KIN: variants seen among roughly 807,000 people sequenced by gnomAD.
The protein encoded by KIN is DNA/RNA-binding protein KIN17.
A neutral mutation model predicts 63.0 loss-of-function variants in KIN; 47 were observed. That is an observed-to-expected ratio of 0.75 (90% CI 0.59 to 0.95). KIN has a LOEUF of 0.95. KIN is among the 40% of genes least tolerant of loss of function. The probability of loss-of-function intolerance (pLI) is 0.00; values close to 1 mark genes in which losing one functional copy is unlikely to be tolerated. For missense variants in KIN, 408 were observed against 460.9 expected (o/e 0.89, Z 1.05); for synonymous variants, 160 against 157.7 (o/e 1.01, Z -0.11).
At chr10:7,758,289 C>T (rs917827197) in intron 12 of KIN, among the ~76,000 whole-genome samples, 2 of 152,046 alleles carry the variant, frequency 1.3e-5, no homozygotes, top group Admixed American at 6.6e-5. Flanking sequence ...GGGCTGGTCT[C>T]GAACTCCTGA....
At chr10:7,782,619 G>A (rs1027103800) in intron 2 of KIN, among the ~76,000 whole-genome samples, 1 of 151,958 alleles carries the variant, frequency 6.6e-6, no homozygotes, top group Non-Finnish European at 1.5e-5. Context: ...CGCTGGTCTT[G>A]AACTCCTGAC....
chr10:7,765,410 T>G (rs1375110226), intron 9 of KIN, among the ~76,000 whole-genome samples: 1 of 151,446 alleles, frequency 6.6e-6, no homozygotes, highest in Admixed American at 6.6e-5. Context: ...GCCTGGTCAA[T>G]AGAGCAAGAC....
intron 7 of KIN, among the ~76,000 whole-genome samples, chr10:7,770,581 G>A (rs1001079960): frequency 1.4e-4 from 20 of 145,122 alleles, no homozygotes; most frequent in African/African-American, 5.7e-4. Context: ...TTGTAGTAGG[G>A]AGGAAGCATC....
intron 5 of KIN, among the ~76,000 whole-genome samples, chr10:7,778,568 G>T (rs538062422): frequency 6.6e-6 from 1 of 152,226 alleles, no homozygotes; most frequent in Admixed American, 6.5e-5. Flanking sequence ...GTGAAACCCT[G>T]TCTCTACTAA....
At chr10:7,762,206 C>T (rs1346330806) in intron 11 of KIN, among the ~76,000 whole-genome samples, 5 of 150,264 alleles carry the variant, frequency 3.3e-5, no homozygotes, top group African/African-American at 7.4e-5. Context: ...TATATGTCTA[C>T]GTTTTGCTTC....
intron 5 of KIN, among the ~76,000 whole-genome samples, chr10:7,778,036 C>T (rs1409686449): frequency 1.3e-5 from 2 of 152,190 alleles, no homozygotes; most frequent in African/African-American, 4.8e-5. Flanking sequence ...ATGCCCCAAC[C>T]TAGTTATTCT....
intron 2 of KIN, among the ~76,000 whole-genome samples, chr10:7,781,080 G>T (rs1835886037): frequency 6.6e-6 from 1 of 152,194 alleles, no homozygotes. Context: ...CTTCAAGGAG[G>T]TTACAATCTA....
chr10:7,762,704 A>G (rs1835460581), intron 10 of KIN, 148 bp from the exon 11 acceptor site: 2 of 530,354 alleles, frequency 3.8e-6, no homozygotes, highest in Admixed American at 7.3e-5. Context: ...TCTAGATTCC[A>G]TACATGATTT....
intron 10 of KIN, 77 bp from the exon 11 acceptor site, chr10:7,762,633 T>C: frequency 1.4e-6 from 1 of 695,770 alleles, no homozygotes; most frequent in South Asian, 2.0e-5. Flanking sequence ...GCAAATGAAA[T>C]GAAGACAAAT....
At chr10:7,784,265 C>T (rs1835953878) in intron 1 of KIN, among the ~76,000 whole-genome samples, 1 of 152,092 alleles carries the variant, frequency 6.6e-6, no homozygotes, top group African/African-American at 2.4e-5. Flanking sequence ...TACTCCTTTC[C>T]CAAAAAAATT....
intron 2 of KIN, among the ~76,000 whole-genome samples, chr10:7,782,503 A>G (rs551149858): frequency 1.3e-4 from 20 of 151,948 alleles, no homozygotes; most frequent in African/African-American, 4.8e-4. Context: ...GGTTCAAGCA[A>G]TTCTCCTGCC....
At chr10:7,758,634 C>T (rs1490335704) in intron 12 of KIN, among the ~76,000 whole-genome samples, 1 of 143,206 alleles carries the variant, frequency 7.0e-6, no homozygotes, top group African/African-American at 2.6e-5. Flanking sequence ...CATTTGATAG[C>T]ACTATGAAAT....
intron 5 of KIN, among the ~76,000 whole-genome samples, chr10:7,777,053 C>CAAAA (rs60757813): frequency 2.5e-4 from 20 of 80,718 alleles, no homozygotes; most frequent in Non-Finnish European, 3.3e-4. Context: ...GACAGTCTCT[C>CAAAA]AAAAAAAAAA....
At chr10:7,779,162 CT>C in intron 4 of KIN, 143 bp from the exon 5 acceptor site, 1 of 897,028 alleles carries the variant, frequency 1.1e-6, no homozygotes, top group Non-Finnish European at 1.7e-6. Context: ...AATCTCAGCA[CT>C]TTAGGAGGCC....
chr10:7,761,522 T>G (rs1028727900), intron 11 of KIN: 2 of 152,190 alleles, frequency 1.3e-5, no homozygotes, highest in Non-Finnish European at 2.9e-5. Context: ...ACATCACAGA[T>G]TGAACATTCC....
chr10:7,768,621 T>C (rs1212126090), intron 8 of KIN, among the ~76,000 whole-genome samples: 3 of 151,790 alleles, frequency 2.0e-5, no homozygotes, highest in Non-Finnish European at 4.4e-5. Context: ...AGAGTAGCAG[T>C]TGAAGGAGGG....
chr10:7,768,935 T>C (rs1018099683), intron 8 of KIN, among the ~76,000 whole-genome samples: 1 of 152,094 alleles, frequency 6.6e-6, no homozygotes, highest in African/African-American at 2.4e-5. Flanking sequence ...GAGAATCATT[T>C]GAACCTGGGA....
rs1396031755 is a variant in KIN at position 7,751,917 on chromosome 10, C to T, written c.*4163G>A. 2.6e-3 allele frequency: 5 copies of T among 1,902 alleles called. 1 individual carries two copies. Among genetic ancestry groups the T allele is most frequent in the African/African-American group, 7.3e-3 (3 of 412 alleles). The allele number at this position is 1,902 out of a possible 1,614,324, so 0.1% of individuals were successfully genotyped here. On this transcript the variant is annotated 3_prime_UTR_variant, in exon 13 of 13. Transcript: ENST00000379562. ...GGGCGCGGTGGCGGGCGCCTGTAGT[C>T]CCAGCTACTCGGGAGGCTGAGGCAG...
chr10:7,760,838 G>C (rs1403555419), intron 11 of KIN, among the ~76,000 whole-genome samples: 1 of 152,082 alleles, frequency 6.6e-6, no homozygotes, highest in African/African-American at 2.4e-5. Context: ...GAAGGTATAG[G>C]TTAAGGGGGA....
Sources: gnomAD v4.1 joint callset for allele counts (sites outside exome capture counted in the v4.1 genomes callset) on GRCh38, gnomAD v4.1.1 for gene constraint, MANE v1.5 for transcripts, NCBI Gene and HGNC (gene_info 2026-07-23, HGNC 2026-07-21) for gene names.